The following RILPL1 variants were observed in gnomAD, a reference collection of about 807,000 sequenced individuals.
RILPL1 encodes Rab interacting lysosomal protein like 1.
A neutral mutation model predicts 50.3 loss-of-function variants in RILPL1; 33 were observed. That is an observed-to-expected ratio of 0.66 (90% CI 0.50 to 0.88). The LOEUF (loss-of-function observed/expected upper bound fraction) is 0.88, where lower values mean the gene tolerates loss of function less well. Ranked by LOEUF, RILPL1 falls within the 40% of genes least tolerant of loss-of-function variation. The pLI is 0.00. For synonymous variants in RILPL1, 205 were observed against 228.6 expected, an observed-to-expected ratio of 0.90 and a Z score of 0.93; for missense variants, 418 against 542.5, an observed-to-expected ratio of 0.77 and a Z score of 2.28.
At chr12:123,511,800 T>A (rs1424519637) in intron 2 of RILPL1, among the ~76,000 whole-genome samples, 1 of 129,794 alleles carries the variant, frequency 7.7e-6, no homozygotes, top group Admixed American at 7.6e-5. Context: ...GAGGTCTGTG[T>A]GTGGTGTGTG....
chr12:123,472,666 G>A lies in RILPL1; in HGVS notation c.1084C>T (p.Arg362Ter), dbSNP rs1400936405. ...GTGTTGGCCAGGCGCTTCTTATCTC[G>A]GGAGAAGAAGCTAAACCTTTGGAAG... ...GIKRLFSFFS[R>*]DKKRLANTQR... The change falls in exon 7 of 7, where the codon CGA (arginine) becomes TGA (stop). Residue 362 changes from arginine (R) to a stop codon, truncating the protein, a stop_gained. Transcript: ENST00000376874. LOFTEE classifies it high-confidence loss of function. 3.1e-6 allele frequency: 5 copies of A among 1,598,022 alleles called. No homozygotes were observed. Among genetic ancestry groups the A allele is most frequent in the Admixed American group, 1.7e-5 (1 of 57,216 alleles).
intron 2 of RILPL1, among the ~76,000 whole-genome samples, chr12:123,512,885 TGTG>T (rs1884445327): frequency 6.9e-6 from 1 of 144,774 alleles, no homozygotes; most frequent in South Asian, 2.2e-4. Context: ...TCTGTGTGTG[TGTG>T]GTGTGTGCAG....
chr12:123,510,364 T>G (rs896977780), intron 2 of RILPL1, among the ~76,000 whole-genome samples: 1 of 151,960 alleles, frequency 6.6e-6, no homozygotes, highest in African/African-American at 2.4e-5. Flanking sequence ...GTGGGGGGTG[T>G]GGTGTGTGTG....
intron 6 of RILPL1, among the ~76,000 whole-genome samples, chr12:123,480,197 G>A (rs1881873800): frequency 7.1e-6 from 1 of 141,462 alleles, no homozygotes; most frequent in Non-Finnish European, 1.5e-5. Flanking sequence ...GTATCGCTCT[G>A]TTGTCCAGGC....
At chr12:123,524,870 C>T (rs1408976945) in intron 1 of RILPL1, among the ~76,000 whole-genome samples, 5 of 73,022 alleles carry the variant, frequency 6.8e-5, no homozygotes, top group Non-Finnish European at 2.7e-5. Flanking sequence ...TGGTGGCTCA[C>T]GCCTGGAATC....
chr12:123,505,039 G>GT (rs540778890), intron 2 of RILPL1, among the ~76,000 whole-genome samples: 95 of 112,438 alleles, frequency 8.4e-4, no homozygotes, highest in East Asian at 4.0e-3. Context: ...AAGTTTTTTT[G>GT]TTTTTTTTTT....
At chr12:123,502,387 T>G (rs1029443905) in intron 2 of RILPL1, among the ~76,000 whole-genome samples, 1 of 151,796 alleles carries the variant, frequency 6.6e-6, no homozygotes, top group Non-Finnish European at 1.5e-5. Flanking sequence ...TTCCAGAGTC[T>G]TTTTTGTTAT....
chr12:123,512,677 C>CCGTG (rs1884416140), intron 2 of RILPL1, among the ~76,000 whole-genome samples: 1 of 81,930 alleles, frequency 1.2e-5, no homozygotes. Flanking sequence ...TGTGTGAGGT[C>CCGTG]TGTGTGTGGT....
chr12:123,493,175 A>C (rs947520964), intron 4 of RILPL1, among the ~76,000 whole-genome samples: 1 of 152,212 alleles, frequency 6.6e-6, no homozygotes, highest in South Asian at 2.1e-4. Context: ...TGAGATAGGG[A>C]AAAACCGCCT....
chr12:123,502,463 GT>G (rs1220767136), intron 2 of RILPL1, among the ~76,000 whole-genome samples: 3 of 152,210 alleles, frequency 2.0e-5, no homozygotes, highest in Admixed American at 2.0e-4. Context: ...AGGGTTTTGG[GT>G]AACATTGGTG....
At chr12:123,475,770 T>G in intron 6 of RILPL1, 1 of 1,490,922 alleles carries the variant, frequency 6.7e-7, no homozygotes, top group Non-Finnish European at 9.2e-7. Context: ...GAAGTACAGA[T>G]AGACACAGAG....
chr12:123,523,661 GA>G lies in RILPL1; in HGVS notation c.310-17del, dbSNP rs1173112533. The G allele has an allele frequency of 6.2e-7, 1 of 1,610,988 alleles. No homozygotes were observed. Among genetic ancestry groups the G allele is most frequent in the South Asian group, 1.1e-5 (1 of 90,886 alleles). On this transcript the variant is annotated splice_polypyrimidine_tract_variant and intron_variant, in intron 1 of 6. Coordinates refer to ENST00000376874, the MANE Select transcript of RILPL1 (RefSeq NM_178314.5). ...GCTCCAGCTCCTGCCAAGGCAAGGG[GA>G]CAGCATGGGGTCACTGCCTGCCCAG...
rs1882717627 is a variant in RILPL1, at chr12:123,491,996, G to A, written c.802-6191C>T. On this transcript the variant is annotated intron_variant, in intron 4 of 6. Transcript: ENST00000376874. This position sits in a 1 kb window ranked among gnomAD's most constrained non-coding sequence, Gnocchi z 4.0. ...CACTCCAGCCTGGGTGATGGAGTGA[G>A]ACCCTGACTCAAAATAAATAAATAA... Among the ~76,000 whole-genome samples the A allele has an allele frequency of 6.6e-6, 1 of 151,884 alleles. No individual in the cohort carries two copies. The highest frequency in any genetic ancestry group is 1.5e-5 in the Non-Finnish European group (1 of 68,016).
At chr12:123,526,495 G>A (rs892124461) in intron 1 of RILPL1, among the ~76,000 whole-genome samples, 12 of 152,098 alleles carry the variant, frequency 7.9e-5, no homozygotes, top group African/African-American at 2.9e-4. Context: ...GGAAGGGTGG[G>A]TGTGAGGATT....
chr12:123,506,177 G>A (rs1329580622), intron 2 of RILPL1, among the ~76,000 whole-genome samples: 1 of 152,234 alleles, frequency 6.6e-6, no homozygotes, highest in Non-Finnish European at 1.5e-5. Context: ...TGAGACCAGA[G>A]GCCACAGAGG....
intron 4 of RILPL1, among the ~76,000 whole-genome samples, chr12:123,487,946 C>A (rs1255631584): frequency 1.3e-5 from 2 of 151,730 alleles, no homozygotes; most frequent in Non-Finnish European, 2.9e-5. Context: ...CCTTTTTTTT[C>A]TTAATCACAA....
intron 4 of RILPL1, among the ~76,000 whole-genome samples, chr12:123,488,720 T>C (rs566073037): frequency 5.8e-4 from 89 of 152,252 alleles, no homozygotes; most frequent in African/African-American, 2.1e-3. Flanking sequence ...CTGCCCAGCC[T>C]TGGGGTCGGA....
chr12:123,525,700 CAAAAAAA>C (rs1207503097), intron 1 of RILPL1, among the ~76,000 whole-genome samples: 2,595 of 44,940 alleles, frequency 0.058, 97 homozygotes, highest in African/African-American at 0.17. Flanking sequence ...GACACTGTCT[CAAAAAAA>C]AAAAAAAAAA....
chr12:123,513,974 G>A (rs948794526), intron 2 of RILPL1: 8 of 152,204 alleles, frequency 5.3e-5, no homozygotes, highest in African/African-American at 1.7e-4. Flanking sequence ...CATGAGACAC[G>A]ATGTGCCGTC....
Sources: allele counts gnomAD v4.1 joint callset (sites outside exome capture counted in the v4.1 genomes callset), GRCh38; gene constraint gnomAD v4.1.1; non-coding constraint Gnocchi (gnomAD v3.1); transcripts MANE v1.5; gene names NCBI Gene and HGNC (gene_info 2026-07-23, HGNC 2026-07-21).